FMR1: variants seen among roughly 807,000 people sequenced by gnomAD.
FMR1 encodes the protein fragile X messenger ribonucleoprotein 1.
In FMR1, 13 loss-of-function variants were observed where a neutral mutation model predicts 50.6. The observed-to-expected ratio is 0.26, with a 90% CI of 0.17 to 0.41. FMR1 has a LOEUF of 0.41. Among genes scored for constraint, FMR1 ranks in the 10% least tolerant of loss-of-function variants. The probability of loss-of-function intolerance (pLI) is 1.00; values close to 1 mark genes in which losing one functional copy is unlikely to be tolerated. For synonymous variants in FMR1, 138 were observed against 164.1 expected, an observed-to-expected ratio of 0.84 and a Z score of 1.22; for missense variants, 316 against 491.3, an observed-to-expected ratio of 0.64 and a Z score of 3.37.
At chrX:147,916,262 C>A (rs2042852358) in intron 1 of FMR1, among the ~76,000 whole-genome samples, 1 of 112,245 alleles carries the variant, frequency 8.9e-6, no homozygotes, top group Non-Finnish European at 1.9e-5. Flanking sequence ...ATAATGTTTT[C>A]TTTGCACATG....
chrX:147,929,588 TA>T (rs200443574), intron 5 of FMR1, among the ~76,000 whole-genome samples: 13 of 98,910 alleles, frequency 1.3e-4, no homozygotes, highest in South Asian at 4.4e-4. Context: ...AACTAAAAAT[TA>T]AAAAAAAAGG....
chrX:147,925,287 A>T (rs1313630447), intron 2 of FMR1, among the ~76,000 whole-genome samples: 2 of 112,250 alleles, frequency 1.8e-5, no homozygotes, highest in African/African-American at 3.2e-5. Flanking sequence ...TTTGAAAATC[A>T]TAATGTTGCT....
intron 12 of FMR1, among the ~76,000 whole-genome samples, chrX:147,939,512 T>C (rs782345859): frequency 1.2e-4 from 13 of 112,039 alleles, no homozygotes; most frequent in Non-Finnish European, 2.3e-4. Flanking sequence ...TGTTTTTGTT[T>C]GTATTTTGTG....
chrX:147,921,573 T>A (rs782100319), intron 1 of FMR1, among the ~76,000 whole-genome samples: 1 of 111,640 alleles, frequency 9.0e-6, no homozygotes, highest in Non-Finnish European at 1.9e-5. Context: ...ATGGCTGATA[T>A]ATGGTTCTGG....
At chrX:147,921,017 C>G (rs1246894182) in intron 1 of FMR1, among the ~76,000 whole-genome samples, 6 of 111,761 alleles carry the variant, frequency 5.4e-5, no homozygotes, top group Non-Finnish European at 9.4e-5. Flanking sequence ...AGGAGTTTGG[C>G]TATGGTCCTG....
At chrX:147,912,315 C>G (rs1602890211) in intron 1 of FMR1, 85 bp downstream of exon 1, 2 of 944,944 alleles carry the variant, frequency 2.1e-6, no homozygotes, top group South Asian at 2.2e-5. Flanking sequence ...GGCCCGGGGC[C>G]CTCTTCCCGA....
intron 9 of FMR1, among the ~76,000 whole-genome samples, chrX:147,934,454 T>C (rs185807396): frequency 1.8e-5 from 2 of 111,267 alleles, no homozygotes; most frequent in Admixed American, 1.9e-4. Flanking sequence ...GATAATTAAA[T>C]TGGAAGATAT....
chrX:147,917,972 A>G (rs1449143720), intron 1 of FMR1, among the ~76,000 whole-genome samples: 1 of 112,051 alleles, frequency 8.9e-6, no homozygotes, highest in Admixed American at 9.4e-5. Flanking sequence ...CTGTGCATTC[A>G]TTCAAATTCA....
rs2044291000 is a variant in FMR1 at position 147,950,419 on chromosome X, A to G, written c.*1575A>G. 3.0e-6 allele frequency: 1 copy of G among 328,195 alleles called. No homozygotes were observed. The highest frequency in any genetic ancestry group is 2.6e-5 in the African/African-American group (1 of 37,754). 27.0% of individuals were successfully genotyped at this position (328,195 alleles called of 1,213,427 possible). ...GAATGTATAGTATTTGAAAACAGAA[A>G]TTGGTACCTTGCACACATCATCTGT... On this transcript the variant is annotated 3_prime_UTR_variant, in exon 17 of 17. Transcript: ENST00000370475.
At chrX:147,922,686 A>C (rs1175289136) in intron 2 of FMR1, among the ~76,000 whole-genome samples, 1 of 111,758 alleles carries the variant, frequency 8.9e-6, no homozygotes, top group Non-Finnish European at 1.9e-5. Flanking sequence ...CAAAGTGTAG[A>C]TGTGGCTATG....
chrX:147,925,693 G>T (rs1290339619), intron 3 of FMR1, 60 bp downstream of exon 3: 6 of 737,421 alleles, frequency 8.1e-6, no homozygotes, highest in East Asian at 3.2e-5. Flanking sequence ...ATTTATCTGT[G>T]TTTTTTTTTA....
chrX:147,912,936 C>T (rs1266544877), intron 1 of FMR1: 10 of 282,966 alleles, frequency 3.5e-5, no homozygotes, highest in Non-Finnish European at 4.9e-5. Flanking sequence ...CGTGAATATT[C>T]GCGTCCCCCT....
At chrX:147,912,315 CCT>C in intron 1 of FMR1, 85 bp downstream of exon 1, 3 of 947,013 alleles carry the variant, frequency 3.2e-6, no homozygotes, top group Middle Eastern at 7.9e-4. Flanking sequence ...GGCCCGGGGC[CCT>C]CTTCCCGAGC....
In FMR1 at chrX:147,932,467, G is replaced by A. The variant is rs782367211; in HGVS notation, c.673G>A (p.Val225Ile). 1.7e-6 allele frequency: 2 copies of A among 1,210,383 alleles called. No homozygotes were observed. The stretch of plus-strand genomic sequence containing the variant: ...CTCGAGATTTCATGAACAGTTTATC[G>A]TAAGAGAAGATCTGATGGGTCTAGC... Reference protein sequence around the residue: ...LASRFHEQFIVREDLMGLAIG... With the variant: ...LASRFHEQFIIREDLMGLAIG... The change falls in exon 8 of 17, where the codon GTA becomes ATA. Residue 225 changes from valine to isoleucine, a missense_variant. Transcript: ENST00000370475.
intron 9 of FMR1, among the ~76,000 whole-genome samples, chrX:147,935,222 A>G (rs898293238): frequency 1.3e-4 from 15 of 111,968 alleles, no homozygotes; most frequent in Non-Finnish European, 2.4e-4. Flanking sequence ...AATTGACAGA[A>G]GGACCTAGAC....
chrX:147,927,039 A>G (rs1372275160), intron 3 of FMR1, among the ~76,000 whole-genome samples: 2 of 111,900 alleles, frequency 1.8e-5, no homozygotes, highest in African/African-American at 6.5e-5. Context: ...TGGACATAGG[A>G]TATAGTGTTA....
At chrX:147,944,397 A>G (rs1557181487) in intron 14 of FMR1, 2 of 752,354 alleles carry the variant, frequency 2.7e-6, no homozygotes, top group East Asian at 1.5e-4. Context: ...AGCAGTTGCC[A>G]TGGTGGCCTC....
Position 147,949,555 on chromosome X carries a change from G to A in FMR1, c.*711G>A, listed in dbSNP as rs1256027754. On this transcript the variant is annotated 3_prime_UTR_variant, in exon 17 of 17. Coordinates refer to ENST00000370475, the MANE Select transcript of FMR1 (RefSeq NM_002024.6). ...ATTTTTTTCCTTACATAAACATCAG[G>A]TTAGGCAGTATAAAGAATAGGACTT... The A allele has an allele frequency of 9.2e-6, 3 of 327,547 alleles. No individual in the cohort carries two copies. The highest frequency in any genetic ancestry group is 2.7e-5 in the African/African-American group (1 of 37,498). The allele number at this position is 327,547 out of a possible 1,213,427, so 27.0% of individuals were successfully genotyped here. A position where few individuals can be genotyped will look rare whatever the true frequency, so the allele number is the denominator to read the frequency against.
At chrX:147,933,759 T>G in intron 9 of FMR1, 2 of 443,509 alleles carry the variant, frequency 4.5e-6, no homozygotes, top group Non-Finnish European at 5.7e-6. Flanking sequence ...CTTTGGAAAC[T>G]TTAAAGAAGA....
Sources: gnomAD v4.1 joint callset for allele counts (sites outside exome capture counted in the v4.1 genomes callset) on GRCh38, gnomAD v4.1.1 for gene constraint, MANE v1.5 for transcripts, NCBI Gene and HGNC (gene_info 2026-07-23, HGNC 2026-07-21) for gene names.